The following ZNF329 variants were observed in gnomAD, a reference collection of about 807,000 sequenced individuals.
The protein encoded by ZNF329 is zinc finger protein 329.
In ZNF329, 15 loss-of-function variants were observed where a neutral mutation model predicts 26.6. The observed-to-expected ratio is 0.56, with a 90% CI of 0.38 to 0.87. The LOEUF is 0.87. Ranked by LOEUF, ZNF329 falls within the 40% of genes least tolerant of loss-of-function variation. The pLI is 0.00. For missense variants in ZNF329, 651 were observed against 651.9 expected, an observed-to-expected ratio of 1.00 and a Z score of 0.02; for synonymous variants, 239 against 233.5, an observed-to-expected ratio of 1.02 and a Z score of -0.21.
At chr19:58,148,656 C>T (rs1257739812) in intron 1 of ZNF329, among the ~76,000 whole-genome samples, 1 of 152,074 alleles carries the variant, frequency 6.6e-6, no homozygotes, top group Non-Finnish European at 1.5e-5. Context: ...AGTTCAAGAA[C>T]AGTCTGGGCA....
intron 1 of ZNF329, among the ~76,000 whole-genome samples, chr19:58,144,387 TATATA>T (rs1568672224): frequency 6.6e-5 from 7 of 105,848 alleles, no homozygotes; most frequent in African/African-American, 2.1e-4. Context: ...TATCTATATA[TATATA>T]TATATTTTTT....
chr19:58,131,066 C>T (rs748040872), intron 3 of ZNF329, among the ~76,000 whole-genome samples: 1 of 151,954 alleles, frequency 6.6e-6, no homozygotes, highest in East Asian at 1.9e-4. Context: ...TACATACATA[C>T]ATATATGTCT....
intron 3 of ZNF329, among the ~76,000 whole-genome samples, chr19:58,138,260 G>T (rs553365905): frequency 1.2e-4 from 19 of 152,216 alleles, no homozygotes; most frequent in African/African-American, 4.6e-4. Context: ...TCAGATTCAA[G>T]TAATAGATCC....
intron 1 of ZNF329, among the ~76,000 whole-genome samples, chr19:58,150,389 A>G (rs1412739351): frequency 1.3e-5 from 2 of 152,204 alleles, no homozygotes; most frequent in African/African-American, 4.8e-5. Context: ...ACCCCCGGAG[A>G]CGGACCAGGA....
Position 58,129,004 on chromosome 19 carries a change from A to G in ZNF329, c.500T>C (p.Ile167Thr). The change falls in exon 4 of 4, where the codon ATA becomes ACA. Residue 167 changes from isoleucine to threonine, a missense_variant. Physicochemically the swap from Ile to Thr is moderately conservative, Grantham distance 89 (BLOSUM62 -1). Coordinates refer to ENST00000598312, the MANE Select transcript of ZNF329 (RefSeq NM_024620.4). Reference sequence around the variant, plus strand: ...ATACGATTTCTTGCCTCTTTTCATTATTTTCTGATGACCAAGAGAGGTAAA... The same window carrying G: ...ATACGATTTCTTGCCTCTTTTCATTGTTTTCTGATGACCAAGAGAGGTAAA... Reference protein sequence around the residue: ...NHFTSLGHQKIMKRGKKSYEG... With the variant: ...NHFTSLGHQKTMKRGKKSYEG... 2 of 1,612,770 alleles carry G rather than the reference A, an allele frequency of 1.2e-6. No individual in the cohort carries two copies. Among genetic ancestry groups the G allele is most frequent in the Non-Finnish European group, 1.7e-6 (2 of 1,179,244 alleles).
rs560556669 is a variant in ZNF329, at chr19:58,127,804, G to A, written c.*74C>T. The A allele has an allele frequency of 2.6e-4, 357 of 1,355,024 alleles. No homozygotes were observed. The highest frequency in any genetic ancestry group is 3.4e-4 in the Non-Finnish European group (332 of 987,942). 83.9% of individuals were successfully genotyped at this position (1,355,024 alleles called of 1,614,324 possible). ...AGGATTCTTTTCTACTGACCAGAGA[G>A]GAGTCAGATCTAAGACACGCCTCCT... On this transcript the variant is annotated 3_prime_UTR_variant, in exon 4 of 4. Coordinates refer to ENST00000598312, the MANE Select transcript of ZNF329 (RefSeq NM_024620.4).
At chr19:58,131,300 T>C (rs886285865) in intron 3 of ZNF329, among the ~76,000 whole-genome samples, 1 of 152,026 alleles carries the variant, frequency 6.6e-6, no homozygotes, top group Admixed American at 6.6e-5. Context: ...ATCCCAGCAC[T>C]CTGGGAGGCT....
chr19:58,144,065 C>T (rs1025061527), intron 1 of ZNF329, among the ~76,000 whole-genome samples: 13 of 152,020 alleles, frequency 8.6e-5, no homozygotes, highest in Non-Finnish European at 1.6e-4. Context: ...CGGGCAACAA[C>T]AGCGAGACTC....
intron 1 of ZNF329, among the ~76,000 whole-genome samples, chr19:58,145,999 T>TGAA (rs1555810467): frequency 0.014 from 1,672 of 115,980 alleles, 40 homozygotes; most frequent in African/African-American, 0.056. Flanking sequence ...ATCAATTTCA[T>TGAA]GAAAAAAAAA....
upstream of ZNF329, among the ~76,000 whole-genome samples, chr19:58,151,511 G>A (rs541184546): frequency 1.7e-4 from 25 of 148,224 alleles, no homozygotes; most frequent in Admixed American, 8.3e-4. Flanking sequence ...TGAGGCAAGA[G>A]AATCACTTGA....
In ZNF329 at chr19:58,129,216, T is replaced by A. The variant is rs145871549; in HGVS notation, c.288A>T (p.Ser96=). The change falls in exon 4 of 4, where the codon TCA becomes TCT. Residue 96 remains serine, a synonymous_variant. Coordinates refer to ENST00000598312, the MANE Select transcript of ZNF329 (RefSeq NM_024620.4). ...LATNGFHAPD[S]NVSGLDCDPA... ...GGTCACAATCCAGACCACTAACATTTGAGTCAGGTGCATGGAAACCATTTG... is the reference window on the plus strand; with the variant it reads ...GGTCACAATCCAGACCACTAACATTAGAGTCAGGTGCATGGAAACCATTTG... The A allele has an allele frequency of 1.3e-5, 21 of 1,614,058 alleles. No individual in the cohort carries two copies. The African/African-American group carries it at 2.3e-4, about 17-fold the overall frequency.
intron 1 of ZNF329, among the ~76,000 whole-genome samples, chr19:58,147,325 G>A (rs1313800169): frequency 2.0e-5 from 3 of 147,768 alleles, no homozygotes; most frequent in East Asian, 4.2e-4. Flanking sequence ...CAGCCGCCCC[G>A]TCTGAGAAGT....
intron 3 of ZNF329, among the ~76,000 whole-genome samples, chr19:58,131,774 A>G (rs980727270): frequency 6.6e-6 from 1 of 152,248 alleles, no homozygotes; most frequent in African/African-American, 2.4e-5. Flanking sequence ...CTGTAATCCC[A>G]GCACTTTGGG....
In ZNF329 at chr19:58,128,803, T is replaced by C. The variant is rs904554037; in HGVS notation, c.701A>G (p.Asn234Ser). The C allele has an allele frequency of 1.9e-6, 3 of 1,603,186 alleles. No individual in the cohort carries two copies. Among genetic ancestry groups the C allele is most frequent in the Middle Eastern group, 1.7e-4 (1 of 5,972 alleles). Residue 234 changes from asparagine to serine, a missense_variant, in exon 4 of 4, where the codon AAT (asparagine) becomes AGT (serine). Coordinates refer to ENST00000598312, the MANE Select transcript of ZNF329 (RefSeq NM_024620.4). ...THTGEKPYTC[N>S]ECGKSFSKNY... Reference sequence around the variant, plus strand: ...CTTGGAGAAGGACTTTCCACACTCATTACAAGTATAAGGCTTCTCTCCGGT... The same window carrying C: ...CTTGGAGAAGGACTTTCCACACTCACTACAAGTATAAGGCTTCTCTCCGGT...
upstream of ZNF329, chr19:58,154,797 G>A (rs2075516710): frequency 1.3e-5 from 2 of 152,350 alleles, no homozygotes; most frequent in Admixed American, 6.5e-5. Context: ...AGGCGAGGAG[G>A]ATCCTTGGAC....
chr19:58,130,673 CAAAAAAAAAAAA>C (rs11394563), intron 3 of ZNF329, among the ~76,000 whole-genome samples: 2 of 88,230 alleles, frequency 2.3e-5, no homozygotes, highest in Non-Finnish European at 4.4e-5. Context: ...GACTCCGTCT[CAAAAAAAAAAAA>C]AAAAAAAAAC....
At chr19:58,143,231 A>G (rs2075226381) in intron 1 of ZNF329, 33 bp from the exon 2 acceptor site, 1 of 152,204 alleles carries the variant, frequency 6.6e-6, no homozygotes, top group Non-Finnish European at 1.5e-5. Context: ...AAAATTAACA[A>G]AAATTATATA....
chr19:58,133,570 T>C (rs1402242505), intron 3 of ZNF329, among the ~76,000 whole-genome samples: 1 of 145,202 alleles, frequency 6.9e-6, no homozygotes, highest in African/African-American at 2.7e-5. Flanking sequence ...AGTGAGACTG[T>C]CTCAAAAAAA....
intron 3 of ZNF329, among the ~76,000 whole-genome samples, chr19:58,138,567 G>T: frequency 6.6e-6 from 1 of 152,158 alleles, no homozygotes; most frequent in East Asian, 1.9e-4. Context: ...CTGCCCTGCC[G>T]CATGACATGT....
Sources: gnomAD v4.1 joint callset for allele counts (sites outside exome capture counted in the v4.1 genomes callset) on GRCh38, gnomAD v4.1.1 for gene constraint, MANE v1.5 for transcripts, NCBI Gene and HGNC (gene_info 2026-07-23, HGNC 2026-07-21) for gene names.